NPIPA1: variants seen among roughly 807,000 people sequenced by gnomAD.
NPIPA1 encodes nuclear pore complex-interacting protein family member A1.
For missense variants in NPIPA1, 22 were observed against 232.2 expected (o/e 0.09, Z 5.88); for synonymous variants, 7 against 88.0 (o/e 0.08, Z 5.15).
In NPIPA1 at chr16:14,942,868, T is replaced by C. The variant is rs376106867; in HGVS notation, c.192+928T>C. Among the ~76,000 whole-genome samples, 11 of 152,074 alleles carry C rather than the reference T, an allele frequency of 7.2e-5. No homozygotes were observed. The East Asian group carries it at 2.0e-3, about 27-fold the overall frequency. ...TTGAGCTCTACATTTTGTCTTGCCATTCATGACAGTAAAAATGTGGTTGTG... is the reference window on the plus strand; with the variant it reads ...TTGAGCTCTACATTTTGTCTTGCCACTCATGACAGTAAAAATGTGGTTGTG... On this transcript the variant is annotated intron_variant, in intron 2 of 7. Transcript: ENST00000328085.
At chr16:14,947,819 C>T (rs1456507688) in intron 4 of NPIPA1, among the ~76,000 whole-genome samples, 1 of 152,220 alleles carries the variant, frequency 6.6e-6, no homozygotes, top group East Asian at 1.9e-4. Context: ...TTTTGTGTTT[C>T]TAGTTCCCAA....
At chr16:14,948,113 C>T (rs1330765330) in intron 4 of NPIPA1, among the ~76,000 whole-genome samples, 1 of 152,152 alleles carries the variant, frequency 6.6e-6, no homozygotes, top group Non-Finnish European at 1.5e-5. Context: ...TCCTTAGGAT[C>T]AGGACCATGA....
At chr16:14,944,781 T>C (rs1298023469) in intron 2 of NPIPA1, among the ~76,000 whole-genome samples, 1 of 150,416 alleles carries the variant, frequency 6.6e-6, no homozygotes, top group East Asian at 2.0e-4. Context: ...AATTTTTGTA[T>C]TTTTAGTAGA....
chr16:14,942,763 C>G (rs1376201957), intron 2 of NPIPA1, among the ~76,000 whole-genome samples: 3 of 152,238 alleles, frequency 2.0e-5, no homozygotes, highest in African/African-American at 7.2e-5. Context: ...ATCCGTATGT[C>G]AAAAGTCTGT....
chr16:14,948,207 CTTGTT>C (rs1965938779), intron 4 of NPIPA1, among the ~76,000 whole-genome samples: 2 of 152,236 alleles, frequency 1.3e-5, no homozygotes, highest in Admixed American at 6.5e-5. Flanking sequence ...TGAACTGAAC[CTTGTT>C]AAAGTCAGTC....
intron 4 of NPIPA1, among the ~76,000 whole-genome samples, chr16:14,947,274 A>G (rs1442937808): frequency 1.3e-5 from 2 of 152,244 alleles, no homozygotes; most frequent in Admixed American, 6.5e-5. Flanking sequence ...GCCTAGTAGC[A>G]TGTTATCTTG....
At position 14,940,494 on chromosome 16, in the gene NPIPA1, G is replaced by C. The variant is rs1965724420; in HGVS notation, c.64-1318G>C. On this transcript the variant is annotated intron_variant, in intron 1 of 7. Transcript: ENST00000328085. ...GAGGCCGAGGCAGGTGGATCATGAG[G>C]TCAGGAGTTGGAGACCAGCCTGGCC... is the stretch of plus-strand genomic sequence containing the variant. Among the ~76,000 whole-genome samples the C allele has an allele frequency of 2.0e-5, 3 of 147,494 alleles. No homozygotes were observed. In the Admixed American group the frequency reaches 2.0e-4, roughly 10 times the overall value.
chr16:14,938,690 C>T (rs1241977195), intron 1 of NPIPA1, among the ~76,000 whole-genome samples: 21 of 149,772 alleles, frequency 1.4e-4, no homozygotes, highest in South Asian at 4.3e-4. Context: ...ACAAACAAAA[C>T]GGACCAAAAC....
intron 1 of NPIPA1, among the ~76,000 whole-genome samples, chr16:14,938,843 A>G (rs1267310349): frequency 2.6e-5 from 4 of 151,588 alleles, no homozygotes; most frequent in South Asian, 2.1e-4. Flanking sequence ...GGTTCAAGCA[A>G]TTGTCCTGCC....
At chr16:14,943,238 C>A (rs1208584178) in intron 2 of NPIPA1, among the ~76,000 whole-genome samples, 1 of 151,710 alleles carries the variant, frequency 6.6e-6, no homozygotes, top group Non-Finnish European at 1.5e-5. Flanking sequence ...CTCACTGCAA[C>A]CTCCACCTCC....
chr16:14,941,110 A>G (rs1228007869), intron 1 of NPIPA1, among the ~76,000 whole-genome samples: 2 of 150,252 alleles, frequency 1.3e-5, no homozygotes, highest in East Asian at 4.1e-4. Context: ...CCTGGGTGAC[A>G]GAGTGAGACC....
intron 1 of NPIPA1, among the ~76,000 whole-genome samples, chr16:14,938,003 CCTTT>C (rs1567572873): frequency 1.4e-5 from 2 of 145,068 alleles, no homozygotes; most frequent in Non-Finnish European, 3.0e-5. Context: ...TTCCCAGACC[CCTTT>C]CTTCTTCTCC....
intron 1 of NPIPA1, chr16:14,938,081 C>T (rs1304143568): frequency 3.0e-6 from 1 of 335,320 alleles, no homozygotes; most frequent in East Asian, 1.2e-4. Context: ...CCCTTCCCCT[C>T]CCCTTCCCCT....
chr16:14,940,316 C>T (rs1965718302), intron 1 of NPIPA1, among the ~76,000 whole-genome samples: 1 of 148,648 alleles, frequency 6.7e-6, no homozygotes, highest in Non-Finnish European at 1.5e-5. Context: ...TCATATAATC[C>T]AAGAGAGAAG....
intron 1 of NPIPA1, among the ~76,000 whole-genome samples, chr16:14,938,688 A>T (rs1304302763): frequency 6.7e-6 from 1 of 149,382 alleles, no homozygotes; most frequent in African/African-American, 2.5e-5. Context: ...TAACAAACAA[A>T]ACGGACCAAA....
chr16:14,944,660 C>G (rs1965836655), intron 2 of NPIPA1, among the ~76,000 whole-genome samples: 1 of 148,742 alleles, frequency 6.7e-6, no homozygotes, highest in Non-Finnish European at 1.5e-5. Context: ...GGCTGGAGTG[C>G]AGTGGTGGGA....
At position 14,943,838 on chromosome 16, in the gene NPIPA1, C is replaced by A. The variant is rs1361714374; in HGVS notation, c.193-1736C>A. 1.1e-4 allele frequency among the ~76,000 whole-genome samples: 16 copies of A among 151,886 alleles called. No individual in the cohort carries two copies. The Admixed American group carries it at 1.1e-3, about 10-fold the overall frequency. The stretch of plus-strand genomic sequence containing the variant: ...TGCAGAAATCAGGAAAAAACAAATT[C>A]TACAAAGAATTTGAAAGATATTATT... On this transcript the variant is annotated intron_variant, in intron 2 of 7. Transcript: ENST00000328085.
chr16:14,941,197 G>T (rs1965744071), intron 1 of NPIPA1, among the ~76,000 whole-genome samples: 1 of 151,128 alleles, frequency 6.6e-6, no homozygotes, highest in South Asian at 2.1e-4. Context: ...CAGCACTTTG[G>T]GAGGCCGAGG....
At chr16:14,942,861 C>T (rs1439406900) in intron 2 of NPIPA1, among the ~76,000 whole-genome samples, 1 of 152,256 alleles carries the variant, frequency 6.6e-6, no homozygotes, top group African/African-American at 2.4e-5. Flanking sequence ...TACATTTTGT[C>T]TTGCCATTCA....
Sources: allele counts gnomAD v4.1 joint callset (sites outside exome capture counted in the v4.1 genomes callset), GRCh38; gene constraint gnomAD v4.1.1; transcripts MANE v1.5; gene names NCBI Gene and HGNC (gene_info 2026-07-23, HGNC 2026-07-21).